Variants in DNAH8 observed in about 807,000 individuals in gnomAD.
The protein encoded by DNAH8 is dynein axonemal heavy chain 8, also known as axonemal beta dynein heavy chain 8.
Under a neutral mutation model 562.1 loss-of-function variants are expected in DNAH8, and 382 were observed. That is an observed-to-expected ratio of 0.68 (90% CI 0.63 to 0.74). The LOEUF is 0.74. Ranked by LOEUF, DNAH8 falls within the 30% of genes least tolerant of loss-of-function variation. The pLI is 0.00. For synonymous variants in DNAH8, 1,881 were observed against 1,919.4 expected (o/e 0.98, Z 0.52); for missense variants, 5,203 against 5,620.4 (o/e 0.93, Z 2.37).
At chr6:38,936,012 T>TGTGC (rs1183277442) in intron 77 of DNAH8, among the ~76,000 whole-genome samples, 1 of 151,492 alleles carries the variant, frequency 6.6e-6, no homozygotes, top group African/African-American at 2.4e-5. Context: ...AAGAAACTAA[T>TGTGC]GTGCTCAATC....
intron 61 of DNAH8, 36 bp downstream of exon 61, chr6:38,898,416 T>G: frequency 6.7e-7 from 1 of 1,488,896 alleles, no homozygotes; most frequent in Non-Finnish European, 8.9e-7. Context: ...TATAAATAGA[T>G]GATTTAAAAG....
At chr6:38,887,292 T>C (rs1385041498) in intron 57 of DNAH8, among the ~76,000 whole-genome samples, 3 of 152,178 alleles carry the variant, frequency 2.0e-5, no homozygotes, top group Non-Finnish European at 4.4e-5. Context: ...TTTGGGCCAA[T>C]AAATGATAGC....
chr6:38,805,664 T>A (rs1771207451), intron 23 of DNAH8, 68 bp downstream of exon 23: 4 of 842,272 alleles, frequency 4.7e-6, no homozygotes, highest in Non-Finnish European at 1.9e-6. Flanking sequence ...GATAACCCCA[T>A]ATGGTGCTTT....
chr6:38,966,576 T>C (rs1762982609), intron 82 of DNAH8, among the ~76,000 whole-genome samples: 1 of 152,092 alleles, frequency 6.6e-6, no homozygotes, highest in Admixed American at 6.5e-5. Context: ...AGAAACAAAA[T>C]TCTCAACAAA....
In DNAH8 at chr6:38,913,957, G is replaced by A; in HGVS notation, c.9963+5G>A. On this transcript the variant is annotated splice_donor_5th_base_variant and intron_variant, in intron 67 of 92. Coordinates refer to ENST00000327475, the MANE Select transcript of DNAH8 (RefSeq NM_001206927.2). Reference sequence around the variant, plus strand: ...GCTTCCATAAAAGCAGACGAAGTGAGTTTGCATTTATTTTATCACTGATGA... The same window carrying A: ...GCTTCCATAAAAGCAGACGAAGTGAATTTGCATTTATTTTATCACTGATGA... 6.2e-7 allele frequency: 1 copy of A among 1,605,238 alleles called. No individual in the cohort carries two copies. The highest frequency in any genetic ancestry group is 1.1e-5 in the South Asian group (1 of 90,784).
chr6:38,886,008 G>C (rs1778891787), intron 56 of DNAH8, among the ~76,000 whole-genome samples: 2 of 152,208 alleles, frequency 1.3e-5, no homozygotes, highest in Admixed American at 1.3e-4. Flanking sequence ...GGTTATATTT[G>C]AGGTGCTTGT....
In DNAH8 at chr6:38,866,664, T is replaced by C. The variant is rs781513432; in HGVS notation, c.6572T>C (p.Val2191Ala). 1 of 1,612,620 alleles carries C rather than the reference T, an allele frequency of 6.2e-7. No individual in the cohort carries two copies. The highest frequency in any genetic ancestry group is 1.1e-5 in the South Asian group (1 of 90,548). ...CAGTTTAGAACTGTTGCTATGATGG[T>C]TCCTGATAGACAGGTATGCACTAGG... ...KIQFRTVAMM[V>A]PDRQIIMRVK... Residue 2191 changes from valine to alanine, a missense_variant, in exon 46 of 93, where the codon GTT becomes GCT. By Grantham distance (64) the Val-to-Ala change is moderately conservative (BLOSUM62 0). Around this residue, in one of 6 missense-constraint regions of DNAH8, gnomAD observed 2,176 missense variants for 2,365.1 expected, o/e 0.92. Coordinates refer to ENST00000327475, the MANE Select transcript of DNAH8 (RefSeq NM_001206927.2).
rs192765998 is a variant in DNAH8 at position 38,860,278 on chromosome 6, C to T, written c.5959-179C>T. 1.5e-3 allele frequency among the ~76,000 whole-genome samples: 235 copies of T among 152,258 alleles called. 1 individual carries two copies. In the Middle Eastern group the frequency reaches 0.02, roughly 13 times the overall value. On this transcript the variant is annotated intron_variant, in intron 42 of 92. Transcript: ENST00000327475. The stretch of plus-strand genomic sequence containing the variant: ...TGCCCTTTTCTGTAAGCTCTGGAAG[C>T]CTGGAACCATCTCTGTCTTTGTTTG...
chr6:38,996,604 T>C (rs2150743046), intron 88 of DNAH8, among the ~76,000 whole-genome samples: 1 of 152,256 alleles, frequency 6.6e-6, no homozygotes, highest in South Asian at 2.1e-4. Context: ...TCGGGTACCC[T>C]GTGGGTAAGT....
intron 44 of DNAH8, among the ~76,000 whole-genome samples, 166 bp downstream of exon 44, chr6:38,862,624 C>G (rs1776722173): frequency 6.6e-6 from 1 of 152,048 alleles, no homozygotes; most frequent in Non-Finnish European, 1.5e-5. Flanking sequence ...GGCTGGATAT[C>G]AACAGTTTCA....
chr6:38,835,318 CAAAAAA>C (rs35817690), intron 32 of DNAH8, among the ~76,000 whole-genome samples: 1 of 134,288 alleles, frequency 7.4e-6, no homozygotes, highest in Non-Finnish European at 1.6e-5. Flanking sequence ...TCTTAGTAAT[CAAAAAA>C]AAAAAAAAAA....
chr6:38,790,017 T>A, intron 19 of DNAH8, 134 bp downstream of exon 19: 1 of 544,514 alleles, frequency 1.8e-6, no homozygotes, highest in Non-Finnish European at 2.9e-6. Flanking sequence ...ATAGCTCTGT[T>A]TTTTTTTTTT....
chr6:38,777,091 C>T (rs749891194), intron 13 of DNAH8, among the ~76,000 whole-genome samples: 22 of 152,136 alleles, frequency 1.4e-4, no homozygotes, highest in Non-Finnish European at 2.8e-4. Flanking sequence ...ACCATTCTAA[C>T]GATAACACTT....
chr6:38,802,197 A>G (rs1770839060), intron 21 of DNAH8, among the ~76,000 whole-genome samples: 1 of 151,948 alleles, frequency 6.6e-6, no homozygotes, highest in South Asian at 2.1e-4. Flanking sequence ...CAGCCTCCAA[A>G]AGGGTTAGGA....
At chr6:38,783,643 G>A (rs1344237195) in intron 17 of DNAH8, among the ~76,000 whole-genome samples, 1 of 152,130 alleles carries the variant, frequency 6.6e-6, no homozygotes, top group Admixed American at 6.6e-5. Context: ...GTGCCTCTGA[G>A]GGGAGGGCTT....
rs190313526 is a variant in DNAH8, at chr6:38,748,022, A to T, written c.1294-2454A>T. Among the ~76,000 whole-genome samples the T allele has an allele frequency of 3.7e-3, 567 of 152,280 alleles. 3 individuals are homozygous for T. Among genetic ancestry groups the T allele is most frequent in the Middle Eastern group, 0.024 (7 of 292 alleles). On this transcript the variant is annotated intron_variant, in intron 8 of 92. Transcript: ENST00000327475. ...CTGTTGCATGAATGCACCACAATTT[A>T]TTTATCTATTATCCCAGAATCGACA...
chr6:38,742,463 G>T (rs558237948), intron 8 of DNAH8, among the ~76,000 whole-genome samples: 1 of 151,606 alleles, frequency 6.6e-6, no homozygotes, highest in Admixed American at 6.6e-5. Flanking sequence ...CACCACGCCC[G>T]GCTAATTTTT....
chr6:38,912,026 T>C (rs1780944526), intron 66 of DNAH8, among the ~76,000 whole-genome samples: 1 of 152,148 alleles, frequency 6.6e-6, no homozygotes, highest in African/African-American at 2.4e-5. Flanking sequence ...CAAAAAGAGA[T>C]TGTGTACCTA....
In DNAH8 at chr6:38,917,925, T is replaced by G. The variant is rs1466452723; in HGVS notation, c.10309T>G (p.Leu3437Val). 1 of 1,606,532 alleles carries G rather than the reference T, an allele frequency of 6.2e-7. No individual in the cohort carries two copies. Among genetic ancestry groups the G allele is most frequent in the Non-Finnish European group, 8.5e-7 (1 of 1,176,442 alleles). The change falls in exon 70 of 93, where the codon TTG (leucine) becomes GTG (valine). Residue 3437 changes from leucine (L) to valine (V), a missense_variant and splice_region_variant. Leu to Val is a conservative substitution (Grantham distance 32). Around this residue, in one of 6 missense-constraint regions of DNAH8, gnomAD observed 87 missense variants for 144.9 expected, o/e 0.60. Coordinates refer to ENST00000327475, the MANE Select transcript of DNAH8 (RefSeq NM_001206927.2). Reference sequence around the variant, plus strand: ...TACAGGTTATAATACTATTTTTCAGTTGATGAGTGCAACAGGATTCCTGTG... The same window carrying G: ...TACAGGTTATAATACTATTTTTCAGGTGATGAGTGCAACAGGATTCCTGTG... ...CKPSWGESLK[L>V]MSATGFLWSL...
Sources: gnomAD v4.1 joint callset for allele counts (sites outside exome capture counted in the v4.1 genomes callset) on GRCh38, gnomAD v4.1.1 for gene constraint, gnomAD v4.1.1 regional missense constraint, MANE v1.5 for transcripts, NCBI Gene and HGNC (gene_info 2026-07-23, HGNC 2026-07-21) for gene names.